The following ACAP2 variants were observed in gnomAD, a reference collection of about 807,000 sequenced individuals.
ACAP2 encodes ArfGAP with coiled-coil, ankyrin repeat and PH domains 2.
ACAP2 carries 39 observed loss-of-function variants against 115.8 expected under a neutral mutation model. The ratio of observed to expected loss-of-function variants is 0.34; its 90% confidence interval spans 0.26 to 0.44. The LOEUF (loss-of-function observed/expected upper bound fraction) is 0.44, where lower values mean the gene tolerates loss of function less well. Among genes scored for constraint, ACAP2 ranks in the 20% least tolerant of loss-of-function variants. The pLI, the probability that ACAP2 is intolerant of heterozygous loss-of-function variation, is 1.00. For synonymous variants in ACAP2, 289 were observed against 315.8 expected, an observed-to-expected ratio of 0.92 and a Z score of 0.90; for missense variants, 662 against 927.6, an observed-to-expected ratio of 0.71 and a Z score of 3.72.
At chr3:195,316,987 T>C (rs1729135745) in intron 10 of ACAP2, among the ~76,000 whole-genome samples, 1 of 135,058 alleles carries the variant, frequency 7.4e-6, no homozygotes, top group African/African-American at 2.8e-5. Context: ...AGCCTCTGCC[T>C]CCTGGGTTCA....
intron 8 of ACAP2, among the ~76,000 whole-genome samples, chr3:195,329,432 T>C (rs1730028212): frequency 1.3e-5 from 2 of 152,126 alleles, no homozygotes; most frequent in Admixed American, 6.5e-5. Context: ...TCAGATCCCA[T>C]CACTTCTCTT....
intron 1 of ACAP2, among the ~76,000 whole-genome samples, chr3:195,439,760 G>T (rs186083327): frequency 6.6e-6 from 1 of 151,984 alleles, no homozygotes; most frequent in Admixed American, 6.6e-5. Flanking sequence ...CCAAGTAGCT[G>T]GGATTACAGG....
intron 13 of ACAP2, among the ~76,000 whole-genome samples, chr3:195,303,584 C>T (rs1194452471): frequency 2.0e-5 from 3 of 151,732 alleles, no homozygotes; most frequent in Non-Finnish European, 2.9e-5. Flanking sequence ...GAGACTCCAT[C>T]ATATGTACAT....
At chr3:195,319,404 A>G (rs759169935) in intron 10 of ACAP2, among the ~76,000 whole-genome samples, 1 of 152,182 alleles carries the variant, frequency 6.6e-6, no homozygotes, top group Non-Finnish European at 1.5e-5. Context: ...AGCTTGCACC[A>G]TGCACCTGGA....
At chr3:195,336,837 TATC>T (rs1730538544) in intron 7 of ACAP2, 92 bp downstream of exon 7, 1 of 956,442 alleles carries the variant, frequency 1.0e-6, no homozygotes, top group African/African-American at 1.7e-5. Flanking sequence ...TTATAAACCT[TATC>T]ATGTATATAG....
chr3:195,437,226 A>G (rs1196827331), intron 1 of ACAP2, among the ~76,000 whole-genome samples: 5 of 150,258 alleles, frequency 3.3e-5, no homozygotes, highest in Non-Finnish European at 4.4e-5. Context: ...TTTTTTTTGT[A>G]AAGACAGGGT....
intron 2 of ACAP2, 100 bp from the exon 3 acceptor site, chr3:195,382,122 T>C: frequency 4.8e-6 from 5 of 1,045,154 alleles, no homozygotes; most frequent in Non-Finnish European, 6.9e-6. Context: ...CCTAGTTAAG[T>C]TCAATTTGTT....
chr3:195,406,814 G>T (rs1025598418), intron 1 of ACAP2, among the ~76,000 whole-genome samples: 1 of 152,130 alleles, frequency 6.6e-6, no homozygotes, highest in African/African-American at 2.4e-5. Context: ...CATAAAACTC[G>T]TAAGTATACA....
intron 4 of ACAP2, among the ~76,000 whole-genome samples, chr3:195,347,455 A>G (rs1731258299): frequency 6.6e-6 from 1 of 152,218 alleles, no homozygotes; most frequent in African/African-American, 2.4e-5. Flanking sequence ...ACAGACACAC[A>G]TACATGCAAT....
At chr3:195,333,892 T>C (rs930334026) in intron 7 of ACAP2, among the ~76,000 whole-genome samples, 5 of 152,178 alleles carry the variant, frequency 3.3e-5, no homozygotes, top group Admixed American at 3.3e-4. Flanking sequence ...ACGCTGGGTT[T>C]TTCTCTCAAG....
intron 4 of ACAP2, among the ~76,000 whole-genome samples, chr3:195,377,136 A>ATTTTTTTTTTTT (rs1478091442): frequency 3.9e-4 from 35 of 89,706 alleles, no homozygotes; most frequent in East Asian, 2.5e-3. Flanking sequence ...AGGAATGTAA[A>ATTTTTTTTTTTT]TCTTTTTTTT....
At chr3:195,425,837 T>C (rs915173561) in intron 1 of ACAP2, among the ~76,000 whole-genome samples, 1 of 152,188 alleles carries the variant, frequency 6.6e-6, no homozygotes, top group African/African-American at 2.4e-5. Context: ...CTTGATGCTA[T>C]GAAAAAATGT....
chr3:195,333,040 A>G lies in ACAP2; in HGVS notation c.657T>C (p.Asp219=), dbSNP rs369306758. 5.5e-5 allele frequency: 88 copies of G among 1,603,672 alleles called. No homozygotes were observed. The highest frequency in any genetic ancestry group is 7.5e-5 in the Non-Finnish European group (88 of 1,174,768). Residue 219 remains aspartate (D), a synonymous_variant, in exon 8 of 23, where the codon GAT becomes GAC. Transcript: ENST00000326793. ...LFSELGPYMK[D]LGAQLDRLVV... ...ACTGCAACATTACCTGTGCACCAAG[A>G]TCCTTCATGTAGGGTCCAAGTTCAC... is the stretch of plus-strand genomic sequence containing the variant.
chr3:195,390,699 T>C (rs1278228435), intron 2 of ACAP2, among the ~76,000 whole-genome samples: 1 of 152,082 alleles, frequency 6.6e-6, no homozygotes, highest in East Asian at 1.9e-4. Context: ...CCAGGGAAGA[T>C]CCCCCAGGGG....
intron 3 of ACAP2, 57 bp downstream of exon 3, chr3:195,381,846 T>C (rs1733959443): frequency 6.4e-7 from 1 of 1,551,784 alleles, no homozygotes; most frequent in African/African-American, 1.4e-5. Flanking sequence ...TGCACAATTC[T>C]TTAATGTCTT....
At position 195,382,026 on chromosome 3, in the gene ACAP2, A is replaced by C; in HGVS notation, c.112-4T>G. 1.3e-6 allele frequency: 2 copies of C among 1,596,822 alleles called. No individual in the cohort carries two copies. Among genetic ancestry groups the C allele is most frequent in the Non-Finnish European group, 8.5e-7 (1 of 1,175,524 alleles). On this transcript the variant is annotated splice_polypyrimidine_tract_variant and splice_region_variant and intron_variant, in intron 2 of 22. Transcript: ENST00000326793. Reference sequence around the variant, plus strand: ...TTGCAATACAAAGTTTCACAAGCTGAAAAAGAAAAAAAAAATTCATCAGGT... The same window carrying C: ...TTGCAATACAAAGTTTCACAAGCTGCAAAAGAAAAAAAAAATTCATCAGGT...
chr3:195,394,172 C>G (rs1188765157), intron 1 of ACAP2, among the ~76,000 whole-genome samples: 1 of 152,128 alleles, frequency 6.6e-6, no homozygotes, highest in East Asian at 1.9e-4. Context: ...GAATGGCGTA[C>G]CCTCCCGTGC....
chr3:195,290,238 G>A (rs1727151804), intron 20 of ACAP2, among the ~76,000 whole-genome samples: 1 of 152,006 alleles, frequency 6.6e-6, no homozygotes, highest in Non-Finnish European at 1.5e-5. Context: ...GAGTGGCAGG[G>A]CATGCCTGTA....
chr3:195,416,604 T>C (rs1189820701), intron 1 of ACAP2, among the ~76,000 whole-genome samples: 2 of 152,100 alleles, frequency 1.3e-5, no homozygotes, highest in Non-Finnish European at 2.9e-5. Flanking sequence ...CAAAGATACA[T>C]GGAAATGTCA....
Sources: allele counts gnomAD v4.1 joint callset (sites outside exome capture counted in the v4.1 genomes callset), GRCh38; gene constraint gnomAD v4.1.1; transcripts MANE v1.5; gene names NCBI Gene and HGNC (gene_info 2026-07-23, HGNC 2026-07-21).